Variants in FGF14 observed in about 807,000 individuals in gnomAD.
FGF14 encodes the protein fibroblast growth factor 14, also known as fibroblast growth factor homologous factor 4.
In FGF14, 5 loss-of-function variants were observed where a neutral mutation model predicts 25.5. The observed-to-expected ratio is 0.20, with a 90% CI of 0.10 to 0.41. The LOEUF is 0.41. Ranked by LOEUF, FGF14 falls within the 10% of genes least tolerant of loss-of-function variation. FGF14 has a pLI of 1.00. For synonymous variants in FGF14, 138 were observed against 118.3 expected (o/e 1.17, Z -1.08); for missense variants, 222 against 320.1 (o/e 0.69, Z 2.34).
chr13:101,836,742 G>A (rs1455054057), intron 3 of FGF14, among the ~76,000 whole-genome samples: 1 of 151,848 alleles, frequency 6.6e-6, no homozygotes, highest in Admixed American at 6.6e-5. Flanking sequence ...TAGTATTTAT[G>A]ATTATTTTAT....
chr13:101,836,485 A>G (rs888226632), intron 3 of FGF14, among the ~76,000 whole-genome samples: 1 of 152,128 alleles, frequency 6.6e-6, no homozygotes, highest in Non-Finnish European at 1.5e-5. Context: ...TACCTGAGGT[A>G]ACAACCGAAG....
At chr13:101,774,390 G>A (rs1264177616) in intron 3 of FGF14, among the ~76,000 whole-genome samples, 1 of 152,136 alleles carries the variant, frequency 6.6e-6, no homozygotes, top group Non-Finnish European at 1.5e-5. Flanking sequence ...CTTTCACTGG[G>A]AGGCTTAAAG....
At chr13:102,292,122 G>T (rs2141268714) in intron 1 of FGF14, among the ~76,000 whole-genome samples, 1 of 151,844 alleles carries the variant, frequency 6.6e-6, no homozygotes, top group Non-Finnish European at 1.5e-5. Context: ...TGTTTTTCTG[G>T]CTTGCATTTC....
intron 1 of FGF14, among the ~76,000 whole-genome samples, chr13:102,126,912 C>T (rs9557809): frequency 0.43 from 65,722 of 151,788 alleles, 15,063 homozygotes; most frequent in East Asian, 0.9. Context: ...GTATAAAATA[C>T]CTAAAGAAGA....
At chr13:102,004,232 G>T (rs368834634) in intron 1 of FGF14, among the ~76,000 whole-genome samples, 20 of 152,182 alleles carry the variant, frequency 1.3e-4, no homozygotes, top group African/African-American at 4.3e-4. Flanking sequence ...ACTTATACTT[G>T]AAAAGGGTCT....
intron 1 of FGF14, among the ~76,000 whole-genome samples, chr13:101,936,384 G>C (rs1339323842): frequency 6.6e-6 from 1 of 152,156 alleles, no homozygotes; most frequent in East Asian, 1.9e-4. Context: ...CCATACCTTA[G>C]GCCACGTCTC....
chr13:101,831,366 G>A (rs1448208436), intron 3 of FGF14, among the ~76,000 whole-genome samples: 2 of 151,820 alleles, frequency 1.3e-5, no homozygotes, highest in African/African-American at 4.8e-5. Context: ...ATAGGCATGA[G>A]CCACCATACC....
chr13:102,294,282 A>G (rs2054581420), intron 1 of FGF14, among the ~76,000 whole-genome samples: 3 of 152,186 alleles, frequency 2.0e-5, no homozygotes, highest in Non-Finnish European at 4.4e-5. Flanking sequence ...TTAAAATAAC[A>G]GGCCTTTTCT....
At chr13:101,898,851 G>A (rs894276683) in intron 1 of FGF14, among the ~76,000 whole-genome samples, 1 of 152,094 alleles carries the variant, frequency 6.6e-6, no homozygotes, top group African/African-American at 2.4e-5. Flanking sequence ...GGAGTTAAGG[G>A]GCCAACATTT....
chr13:102,340,872 T>C (rs1373392143), intron 1 of FGF14, among the ~76,000 whole-genome samples: 1 of 152,194 alleles, frequency 6.6e-6, no homozygotes, highest in Non-Finnish European at 1.5e-5. Flanking sequence ...GTGTAATAGT[T>C]TACTCAATCA....
At chr13:101,865,985 A>C (rs1333172753) in intron 3 of FGF14, among the ~76,000 whole-genome samples, 2 of 151,994 alleles carry the variant, frequency 1.3e-5, no homozygotes, top group African/African-American at 4.8e-5. Flanking sequence ...TTTTTTCAAA[A>C]ATTTACTCAT....
At chr13:101,817,674 T>C (rs2041909610) in intron 3 of FGF14, among the ~76,000 whole-genome samples, 1 of 152,242 alleles carries the variant, frequency 6.6e-6, no homozygotes, top group Admixed American at 6.5e-5. Context: ...ATTCAGCCTC[T>C]GGTGTTCTGG....
chr13:102,396,263 G>A (rs952007664), intron 1 of FGF14, among the ~76,000 whole-genome samples: 1 of 152,124 alleles, frequency 6.6e-6, no homozygotes, highest in South Asian at 2.1e-4. Context: ...TGGGCTCAAA[G>A]GTTTTATTAA....
chr13:101,792,571 C>T lies in FGF14; in HGVS notation c.409-65761G>A, dbSNP rs9585780. The stretch of plus-strand genomic sequence containing the variant: ...ATAGAAAAGGGTTATTGATTTATGC[C>T]CCAAATAGACTGCCATTGCAAGAGG... On this transcript the variant is annotated intron_variant, in intron 3 of 4. Coordinates refer to ENST00000376143, the MANE Select transcript of FGF14 (RefSeq NM_004115.4). Among the ~76,000 whole-genome samples, 229 of 152,158 alleles carry T rather than the reference C, an allele frequency of 1.5e-3. 1 individual carries two copies. The highest frequency in any genetic ancestry group is 5.3e-3 in the African/African-American group (219 of 41,540).
intron 1 of FGF14, among the ~76,000 whole-genome samples, chr13:101,994,676 T>C (rs981943990): frequency 6.6e-6 from 1 of 152,086 alleles, no homozygotes; most frequent in Non-Finnish European, 1.5e-5. Context: ...TTGAGATTTA[T>C]AGGAACTTCA....
intron 1 of FGF14, among the ~76,000 whole-genome samples, chr13:102,196,114 T>A (rs1172626196): frequency 2.0e-5 from 3 of 152,222 alleles, no homozygotes; most frequent in Non-Finnish European, 4.4e-5. Context: ...TTTATAGGAT[T>A]GGCAAATAAT....
Position 102,400,779 on chromosome 13 carries a change from G to T in FGF14, c.208+692C>A, listed in dbSNP as rs1020238104. ...GGGCTTTGACACCGCTTTCTAAAGG[G>T]GGGGACTTCAATTACAAATATTAGA... On this transcript the variant is annotated intron_variant, in intron 1 of 4. Coordinates refer to the FGF14 transcript ENST00000376131. The surrounding 1 kb of genome is among the most constrained non-coding windows in gnomAD (Gnocchi z 4.3). Among the ~76,000 whole-genome samples, 2 of 152,146 alleles carry T rather than the reference G, an allele frequency of 1.3e-5. No individual in the cohort carries two copies. Among genetic ancestry groups the T allele is most frequent in the Admixed American group, 1.3e-4 (2 of 15,276 alleles).
chr13:101,739,637 G>A (rs2036414249), intron 3 of FGF14, among the ~76,000 whole-genome samples: 1 of 152,134 alleles, frequency 6.6e-6, no homozygotes, highest in Non-Finnish European at 1.5e-5. Context: ...GCATTTGAAT[G>A]AAAAAGAGAA....
chr13:101,866,368 A>G (rs958154448), intron 3 of FGF14, among the ~76,000 whole-genome samples: 1 of 152,116 alleles, frequency 6.6e-6, no homozygotes, highest in African/African-American at 2.4e-5. Flanking sequence ...AATGTAAGCT[A>G]ATGAGTCATA....
Sources: allele counts gnomAD v4.1 joint callset (sites outside exome capture counted in the v4.1 genomes callset), GRCh38; gene constraint gnomAD v4.1.1; non-coding constraint Gnocchi (gnomAD v3.1); transcripts MANE v1.5; gene names NCBI Gene and HGNC (gene_info 2026-07-23, HGNC 2026-07-21).